LAMA3: variants seen among roughly 807,000 people sequenced by gnomAD.
The protein encoded by LAMA3 is laminin subunit alpha 3.
LAMA3 carries 281 observed loss-of-function variants against 402.0 expected under a neutral mutation model. The observed-to-expected ratio is 0.70, with a 90% CI of 0.63 to 0.77. The LOEUF (loss-of-function observed/expected upper bound fraction) is 0.77, where lower values mean the gene tolerates loss of function less well. Among genes scored for constraint, LAMA3 ranks in the 30% least tolerant of loss-of-function variants. LAMA3 has a pLI of 0.00. For synonymous variants in LAMA3, 1,431 were observed against 1,558.4 expected (o/e 0.92, Z 1.93); for missense variants, 3,840 against 4,215.5 (o/e 0.91, Z 2.47).
chr18:23,773,138 C>T (rs2062237906), intron 8 of LAMA3, among the ~76,000 whole-genome samples: 1 of 152,232 alleles, frequency 6.6e-6, no homozygotes, highest in East Asian at 1.9e-4. Flanking sequence ...ATTCATTATC[C>T]ATTCGTCAGT....
At chr18:23,915,017 T>C (rs886652151) in intron 58 of LAMA3, among the ~76,000 whole-genome samples, 157 bp downstream of exon 58, 1 of 152,232 alleles carries the variant, frequency 6.6e-6, no homozygotes, top group African/African-American at 2.4e-5. Context: ...TATTGAGTGC[T>C]TCCTCTGTGC....
chr18:23,940,141 G>A (rs897163356), intron 68 of LAMA3, among the ~76,000 whole-genome samples: 2 of 152,234 alleles, frequency 1.3e-5, no homozygotes, highest in Non-Finnish European at 2.9e-5. Flanking sequence ...GGAAGCCTGT[G>A]AGAGATGACC....
intron 23 of LAMA3, among the ~76,000 whole-genome samples, chr18:23,833,579 G>A (rs1267046913): frequency 2.6e-5 from 4 of 152,086 alleles, no homozygotes; most frequent in Admixed American, 6.6e-5. Flanking sequence ...ACGAAAATAC[G>A]GGATGCCCCA....
intron 2 of LAMA3, among the ~76,000 whole-genome samples, chr18:23,743,251 T>G (rs1313669640): frequency 6.6e-6 from 1 of 152,234 alleles, no homozygotes; most frequent in African/African-American, 2.4e-5. Context: ...AGGTAAGTCA[T>G]GTACTTGGAG....
chr18:23,755,362 C>T (rs191332197), intron 6 of LAMA3, among the ~76,000 whole-genome samples: 135 of 152,290 alleles, frequency 8.9e-4, no homozygotes, highest in African/African-American at 3.0e-3. Flanking sequence ...CTCCCCAAGC[C>T]TTGGTGAAAG....
intron 2 of LAMA3, among the ~76,000 whole-genome samples, chr18:23,731,380 C>T (rs1179822816): frequency 1.3e-5 from 2 of 152,206 alleles, no homozygotes; most frequent in Non-Finnish European, 2.9e-5. Flanking sequence ...TCTTCCTAGT[C>T]ATTTTTTCTC....
chr18:23,860,302 A>G (rs1168255450), intron 34 of LAMA3, among the ~76,000 whole-genome samples: 29 of 119,708 alleles, frequency 2.4e-4, no homozygotes, highest in Non-Finnish European at 1.4e-4. Flanking sequence ...TCTGTTGCCT[A>G]GGCTGGAGTG....
chr18:23,838,863 G>A lies in LAMA3; in HGVS notation c.3176G>A (p.Arg1059Gln), dbSNP rs756723482. 3.1e-6 allele frequency: 5 copies of A among 1,602,750 alleles called. No individual in the cohort carries two copies. The highest frequency in any genetic ancestry group is 2.2e-5 in the South Asian group (2 of 90,838). Residue 1059 changes from arginine to glutamine, a missense_variant, in exon 26 of 75, where the codon CGA becomes CAA. Coordinates refer to ENST00000313654, the MANE Select transcript of LAMA3 (RefSeq NM_198129.4). ...GTCCACTGCATTGCCAGTTATGGGCGATTTGTCAATCAAAGGTAATGTGTT... is the reference window on the plus strand; with the variant it reads ...GTCCACTGCATTGCCAGTTATGGGCAATTTGTCAATCAAAGGTAATGTGTT... Reference protein sequence around the residue: ...PQVHCIASYGRFVNQSATCVS... With the variant: ...PQVHCIASYGQFVNQSATCVS...
At chr18:23,888,935 C>CT (rs2080538439) in intron 41 of LAMA3, among the ~76,000 whole-genome samples, 1 of 88,636 alleles carries the variant, frequency 1.1e-5, no homozygotes, top group African/African-American at 4.0e-5. Context: ...GCTTATTTGA[C>CT]TTTAAAAAAA....
chr18:23,781,963 TAA>T (rs2062446530), intron 11 of LAMA3, among the ~76,000 whole-genome samples: 1 of 152,240 alleles, frequency 6.6e-6, no homozygotes, highest in South Asian at 2.1e-4. Flanking sequence ...AAAAATCATG[TAA>T]AGACTATAAA....
intron 2 of LAMA3, among the ~76,000 whole-genome samples, chr18:23,719,840 G>T (rs1300832482): frequency 6.6e-6 from 1 of 152,112 alleles, no homozygotes; most frequent in Non-Finnish European, 1.5e-5. Flanking sequence ...ATGGTTGGCT[G>T]ATGAGGTCAC....
intron 59 of LAMA3, 67 bp downstream of exon 59, chr18:23,915,489 A>G: frequency 7.0e-7 from 1 of 1,426,392 alleles, no homozygotes; most frequent in Non-Finnish European, 9.8e-7. Context: ...ACTTTTACAT[A>G]TGATAAAGGA....
intron 7 of LAMA3, among the ~76,000 whole-genome samples, chr18:23,759,347 A>T (rs1231055212): frequency 6.6e-6 from 1 of 151,348 alleles, no homozygotes; most frequent in Non-Finnish European, 1.5e-5. Context: ...AAAAAAAAAA[A>T]AGAAGAAAGA....
chr18:23,948,635 T>C (rs1413242942), intron 70 of LAMA3, among the ~76,000 whole-genome samples: 1 of 151,932 alleles, frequency 6.6e-6, no homozygotes, highest in Non-Finnish European at 1.5e-5. Context: ...AGTAGTACGA[T>C]CTCGGCTCAC....
At chr18:23,705,600 C>T (rs1394673445) in intron 1 of LAMA3, among the ~76,000 whole-genome samples, 1 of 152,134 alleles carries the variant, frequency 6.6e-6, no homozygotes, top group Non-Finnish European at 1.5e-5. Flanking sequence ...TCATGGCTCA[C>T]TGCAGCCTCG....
intron 11 of LAMA3, among the ~76,000 whole-genome samples, chr18:23,782,387 C>T (rs1009209797): frequency 3.3e-5 from 5 of 152,024 alleles, no homozygotes; most frequent in Non-Finnish European, 7.4e-5. Flanking sequence ...GAAACCTTGT[C>T]TCTACTAAAA....
chr18:23,874,439 A>C (rs1268496387), intron 38 of LAMA3, among the ~76,000 whole-genome samples: 1 of 152,224 alleles, frequency 6.6e-6, no homozygotes, highest in Non-Finnish European at 1.5e-5. Flanking sequence ...TAACAACATA[A>C]TCTATTTATT....
intron 12 of LAMA3, among the ~76,000 whole-genome samples, chr18:23,795,241 T>C (rs2062739831): frequency 6.6e-6 from 1 of 152,210 alleles, no homozygotes; most frequent in African/African-American, 2.4e-5. Context: ...AGGGAAAAGA[T>C]TACTGAGGCG....
chr18:23,944,106 C>T (rs1460896817), intron 69 of LAMA3, 135 bp downstream of exon 69: 6 of 842,638 alleles, frequency 7.1e-6, no homozygotes, highest in African/African-American at 5.0e-5. Context: ...GCAGGCGCTG[C>T]GTTCCCAGCA....
Sources: allele counts gnomAD v4.1 joint callset (sites outside exome capture counted in the v4.1 genomes callset), GRCh38; gene constraint gnomAD v4.1.1; transcripts MANE v1.5; gene names NCBI Gene and HGNC (gene_info 2026-07-23, HGNC 2026-07-21).